PCDH19: variants seen among roughly 807,000 people sequenced by gnomAD.
PCDH19 encodes the protein protocadherin-19.
Under a neutral mutation model 46.2 loss-of-function variants are expected in PCDH19, and 6 were observed. The ratio of observed to expected loss-of-function variants is 0.13; its 90% confidence interval spans 0.07 to 0.26. PCDH19 has a LOEUF of 0.26. Ranked by LOEUF, PCDH19 falls within the 10% of genes least tolerant of loss-of-function variation. The probability of loss-of-function intolerance (pLI) is 1.00; values close to 1 mark genes in which losing one functional copy is unlikely to be tolerated. For missense variants in PCDH19, 740 were observed against 972.3 expected (o/e 0.76, Z 3.18); for synonymous variants, 481 against 415.7 (o/e 1.16, Z -1.91).
chrX:100,305,578 T>C (rs745734943), intron 5 of PCDH19, among the ~76,000 whole-genome samples: 5 of 111,853 alleles, frequency 4.5e-5, no homozygotes, highest in Non-Finnish European at 9.4e-5. Context: ...TCAATACTAA[T>C]GTTGAATGTA....
intron 3 of PCDH19, among the ~76,000 whole-genome samples, chrX:100,377,518 C>A (rs1927424030): frequency 8.9e-6 from 1 of 112,195 alleles, no homozygotes; most frequent in African/African-American, 3.2e-5. Context: ...TTTGTAAACT[C>A]CGCAGTATCT....
Position 100,311,838 on chromosome X carries a change from T to C in PCDH19, c.2849-14963A>G, listed in dbSNP as rs139737849. On this transcript the variant is annotated intron_variant, in intron 5 of 5. Coordinates refer to ENST00000373034, the MANE Select transcript of PCDH19 (RefSeq NM_001184880.2). ...CGTCATAAAAAAGTCTAGCATTATC[T>C]TGATGTTTCAGTGTAACTTCGGGAA... Among the ~76,000 whole-genome samples the C allele has an allele frequency of 6.8e-3, 751 of 111,100 alleles. 4 individuals carry two copies. Among genetic ancestry groups the C allele is most frequent in the African/African-American group, 0.023 (702 of 30,570 alleles).
chrX:100,333,174 G>GGAGAGAGA lies in PCDH19; in HGVS notation c.2848+8721_2848+8728dup, dbSNP rs1555976693. Among the ~76,000 whole-genome samples the GGAGAGAGA allele has an allele frequency of 3.1e-3, 91 of 28,931 alleles. 10 individuals carry two copies. Among genetic ancestry groups the GGAGAGAGA allele is most frequent in the Admixed American group, 6.8e-3 (16 of 2,356 alleles). 25.1% of individuals were successfully genotyped at this position (28,931 alleles called of 115,157 possible). A position where few individuals can be genotyped will look rare whatever the true frequency, so the allele number is the denominator to read the frequency against. On this transcript the variant is annotated intron_variant, in intron 5 of 5. Coordinates refer to ENST00000373034, the MANE Select transcript of PCDH19 (RefSeq NM_001184880.2). ...GGAAGGAAGGAAGGAAGGAAGGAAG[G>GGAGAGAGA]GAGAGAGAGAGAAAGAAAGAAAGAA...
At chrX:100,405,117 A>C (rs1229578061) in intron 1 of PCDH19, among the ~76,000 whole-genome samples, 2 of 112,446 alleles carry the variant, frequency 1.8e-5, no homozygotes, top group Non-Finnish European at 3.8e-5. Context: ...GGAAACAATA[A>C]TTGCATGGCT....
In PCDH19 at chrX:100,296,271, A is replaced by G. The variant is rs1488526253; in HGVS notation, c.*6T>C. 8.4e-7 allele frequency: 1 copy of G among 1,186,297 alleles called. No homozygotes were observed. Among genetic ancestry groups the G allele is most frequent in the Admixed American group, 2.2e-5 (1 of 46,036 alleles). The stretch of plus-strand genomic sequence containing the variant: ...TGGTTTCTTTCTCTTCTTCCTGGAG[A>G]CTGGTTTAGAGAACGATATCCTTCA... On this transcript the variant is annotated 3_prime_UTR_variant, in exon 6 of 6. Coordinates refer to ENST00000373034, the MANE Select transcript of PCDH19 (RefSeq NM_001184880.2).
intron 3 of PCDH19, among the ~76,000 whole-genome samples, chrX:100,363,692 A>T (rs1322003814): frequency 1.8e-4 from 10 of 56,215 alleles, no homozygotes; most frequent in African/African-American, 5.3e-4. Flanking sequence ...AACATATTTT[A>T]TATATAATAT....
chrX:100,374,181 C>T (rs768866336), intron 3 of PCDH19, among the ~76,000 whole-genome samples: 1 of 112,619 alleles, frequency 8.9e-6, no homozygotes, highest in South Asian at 3.7e-4. Context: ...ATTAATTACC[C>T]TAATTAACCC....
In PCDH19 at chrX:100,409,693, G is replaced by C; in HGVS notation, c.-1096C>G. 4.1e-6 allele frequency: 1 copy of C among 246,672 alleles called. No individual in the cohort carries two copies. Among genetic ancestry groups the C allele is most frequent in the Non-Finnish European group, 7.2e-6 (1 of 138,808 alleles). The allele number at this position is 246,672 out of a possible 1,213,427, so 20.3% of individuals were successfully genotyped here. On this transcript the variant is annotated 5_prime_UTR_variant, in exon 1 of 6. Coordinates refer to ENST00000373034, the MANE Select transcript of PCDH19 (RefSeq NM_001184880.2). ...GCTTCTCTTCTCTCCGTTTGGGCTG[G>C]GGTGTCGCTCCAAGGTCCGCCGCCG...
At position 100,406,888 on chromosome X, in the gene PCDH19, G is replaced by A. The variant is rs1222006655; in HGVS notation, c.1710C>T (p.Asn570=). Reference sequence around the variant, plus strand: ...GGGGTATGTAGACCTCGGCAGTGCCGTTAATCAGAGGTGGGGCTGTGATGA... The same window carrying A: ...GGGGTATGTAGACCTCGGCAGTGCCATTAATCAGAGGTGGGGCTGTGATGA... ...TPVITAPPLI[N]GTAEVYIPRN... The change falls in exon 1 of 6, where the codon AAC becomes AAT. Residue 570 remains asparagine, a synonymous_variant. Coordinates refer to ENST00000373034, the MANE Select transcript of PCDH19 (RefSeq NM_001184880.2). 6.6e-6 allele frequency: 8 copies of A among 1,211,487 alleles called. No homozygotes were observed. Among genetic ancestry groups the A allele is most frequent in the East Asian group, 3.0e-5 (1 of 33,813 alleles).
Position 100,408,894 on chromosome X carries a change from T to C in PCDH19, c.-297A>G, listed in dbSNP as rs1928502439. 1 of 113,459 alleles carries C rather than the reference T, an allele frequency of 8.8e-6. No homozygotes were observed. Among genetic ancestry groups the C allele is most frequent in the Admixed American group, 9.2e-5 (1 of 10,842 alleles). The allele number at this position is 113,459 out of a possible 1,213,427, so 9.4% of individuals were successfully genotyped here. A position where few individuals can be genotyped will look rare whatever the true frequency, so the allele number is the denominator to read the frequency against. On this transcript the variant is annotated 5_prime_UTR_variant, in exon 1 of 6. Transcript: ENST00000373034. ...CTCCCTCCAGCCCGGCTACTCAGTTTTACCCCTTCAAAGTTAGCCGGGCGC... is the reference window on the plus strand; with the variant it reads ...CTCCCTCCAGCCCGGCTACTCAGTTCTACCCCTTCAAAGTTAGCCGGGCGC...
intron 3 of PCDH19, among the ~76,000 whole-genome samples, chrX:100,390,532 G>A (rs867226333): frequency 3.6e-5 from 4 of 111,375 alleles, no homozygotes; most frequent in Non-Finnish European, 3.8e-5. Flanking sequence ...TTCCAAGGGC[G>A]TCCCCACCGA....
At position 100,400,095 on chromosome X, in the gene PCDH19, T is replaced by C. The variant is rs761315782; in HGVS notation, c.2616+2429A>G. ...AAGTCCTCAGGATTCAACCCTTTTG[T>C]CCATCTCCACAAGTAACAGTGCCGT... On this transcript the variant is annotated intron_variant, in intron 3 of 5. Transcript: ENST00000373034. Among the ~76,000 whole-genome samples the C allele has an allele frequency of 4.5e-5, 5 of 111,608 alleles. No individual in the cohort carries two copies. In the South Asian group the frequency reaches 1.9e-3, roughly 42 times the overall value.
At chrX:100,389,704 A>G (rs941830089) in intron 3 of PCDH19, among the ~76,000 whole-genome samples, 3 of 111,691 alleles carry the variant, frequency 2.7e-5, no homozygotes, top group South Asian at 3.7e-4. Context: ...AAGCTGAAAA[A>G]CAAATTAATA....
chrX:100,351,895 G>A (rs1926582334), intron 3 of PCDH19, among the ~76,000 whole-genome samples: 1 of 112,246 alleles, frequency 8.9e-6, no homozygotes, highest in Non-Finnish European at 1.9e-5. Context: ...GCTACCACAT[G>A]GGCACCAAAC....
chrX:100,311,027 T>A (rs1414783143), intron 5 of PCDH19, among the ~76,000 whole-genome samples: 1 of 104,894 alleles, frequency 9.5e-6, no homozygotes, highest in Non-Finnish European at 2.0e-5. Flanking sequence ...AAAAAAAAAA[T>A]TAGAGGCAGA....
intron 5 of PCDH19, among the ~76,000 whole-genome samples, chrX:100,306,159 T>C (rs958899129): frequency 8.9e-6 from 1 of 111,950 alleles, no homozygotes; most frequent in African/African-American, 3.2e-5. Context: ...ACAGACCATA[T>C]GATAGGCCAC....
intron 5 of PCDH19, among the ~76,000 whole-genome samples, chrX:100,303,001 G>A (rs1924830053): frequency 9.0e-6 from 1 of 111,590 alleles, no homozygotes; most frequent in Non-Finnish European, 1.9e-5. Context: ...AACCTACAAA[G>A]TAAACTATGT....
chrX:100,323,491 C>T (rs781536190), intron 5 of PCDH19, among the ~76,000 whole-genome samples: 4 of 111,696 alleles, frequency 3.6e-5, no homozygotes, highest in Non-Finnish European at 5.6e-5. Context: ...CCTTGCACTG[C>T]TTTACAATAG....
In PCDH19 at chrX:100,313,510, C is replaced by G. The variant is rs376145336; in HGVS notation, c.2849-16635G>C. ...TGGAAATTATTAATTAAAGAAAAAG[C>G]CTTCTTTGGCTCTAGTACTTTCTTA... On this transcript the variant is annotated intron_variant, in intron 5 of 5. Coordinates refer to ENST00000373034, the MANE Select transcript of PCDH19 (RefSeq NM_001184880.2). Among the ~76,000 whole-genome samples, 12 of 112,023 alleles carry G rather than the reference C, an allele frequency of 1.1e-4. No individual in the cohort carries two copies. The East Asian group carries it at 1.7e-3, about 16-fold the overall frequency.
Sources: allele counts gnomAD v4.1 joint callset (sites outside exome capture counted in the v4.1 genomes callset), GRCh38; gene constraint gnomAD v4.1.1; transcripts MANE v1.5; gene names NCBI Gene and HGNC (gene_info 2026-07-23, HGNC 2026-07-21).